Variants in RIT2 observed in about 807,000 individuals in gnomAD.
RIT2 encodes the protein GTP-binding protein Rit2.
A neutral mutation model predicts 23.7 loss-of-function variants in RIT2; 24 were observed. That is an observed-to-expected ratio of 1.01 (90% confidence interval 0.73 to 1.43). RIT2 has a LOEUF of 1.43. RIT2 is among the 40% of genes most tolerant of loss of function. RIT2 has a pLI of 0.00. For synonymous variants in RIT2, 107 were observed against 91.1 expected, an observed-to-expected ratio of 1.17 and a Z score of -0.99; for missense variants, 236 against 266.9, an observed-to-expected ratio of 0.88 and a Z score of 0.81.
intron 3 of RIT2, among the ~76,000 whole-genome samples, chr18:42,937,392 G>A (rs1171061626): frequency 6.6e-6 from 1 of 152,106 alleles, no homozygotes; most frequent in African/African-American, 2.4e-5. Context: ...CAGTGCCCAT[G>A]AGGAGAGTAC....
chr18:42,883,594 G>A (rs1907949537), intron 4 of RIT2, among the ~76,000 whole-genome samples: 1 of 151,952 alleles, frequency 6.6e-6, no homozygotes, highest in Non-Finnish European at 1.5e-5. Context: ...TTCTCTCAGT[G>A]GGACGCCCCC....
At chr18:43,009,749 T>C (rs1911308518) in intron 2 of RIT2, among the ~76,000 whole-genome samples, 1 of 151,732 alleles carries the variant, frequency 6.6e-6, no homozygotes, top group Non-Finnish European at 1.5e-5. Flanking sequence ...AAGCGTGACA[T>C]TGACACTTCC....
intron 4 of RIT2, among the ~76,000 whole-genome samples, chr18:42,814,251 GCA>G (rs1012285439): frequency 3.9e-5 from 6 of 152,186 alleles, no homozygotes; most frequent in African/African-American, 1.4e-4. Flanking sequence ...AATCTGGTGT[GCA>G]GACTCCACAG....
At chr18:43,105,049 G>T (rs551845904) in intron 1 of RIT2, among the ~76,000 whole-genome samples, 2 of 151,738 alleles carry the variant, frequency 1.3e-5, no homozygotes, top group African/African-American at 2.4e-5. Flanking sequence ...CCCTTTGTGG[G>T]CTATTGTAGC....
At chr18:42,831,713 G>A (rs1327567925) in intron 4 of RIT2, among the ~76,000 whole-genome samples, 1 of 152,168 alleles carries the variant, frequency 6.6e-6, no homozygotes, top group African/African-American at 2.4e-5. Context: ...AATTCTTGCA[G>A]GTATGGAAAT....
At chr18:42,899,041 T>G (rs951030547) in intron 4 of RIT2, among the ~76,000 whole-genome samples, 2 of 152,020 alleles carry the variant, frequency 1.3e-5, no homozygotes, top group Non-Finnish European at 2.9e-5. Context: ...AATAATTAAT[T>G]TGTTAAAAGT....
At chr18:42,996,871 C>T (rs576587203) in intron 2 of RIT2, among the ~76,000 whole-genome samples, 1 of 152,158 alleles carries the variant, frequency 6.6e-6, no homozygotes, top group Non-Finnish European at 1.5e-5. Context: ...AGTTTGGACA[C>T]TCAACAACCT....
chr18:42,948,832 C>T (rs1909785019), intron 3 of RIT2, among the ~76,000 whole-genome samples: 1 of 152,056 alleles, frequency 6.6e-6, no homozygotes, highest in South Asian at 2.1e-4. Context: ...ACCCTCAAAC[C>T]ACCCACTTTC....
chr18:42,791,490 C>A (rs913905677), intron 4 of RIT2, among the ~76,000 whole-genome samples: 2 of 152,176 alleles, frequency 1.3e-5, no homozygotes, highest in Non-Finnish European at 2.9e-5. Context: ...ATATTTACTT[C>A]ATTGCAGTAG....
intron 4 of RIT2, among the ~76,000 whole-genome samples, chr18:42,798,522 G>C (rs1905437163): frequency 6.6e-6 from 1 of 152,144 alleles, no homozygotes; most frequent in Non-Finnish European, 1.5e-5. Flanking sequence ...TTAAAATAAA[G>C]TATTACAAAA....
intron 4 of RIT2, among the ~76,000 whole-genome samples, chr18:42,744,539 AT>A (rs1330717952): frequency 1.3e-5 from 2 of 152,126 alleles, no homozygotes; most frequent in Non-Finnish European, 2.9e-5. Flanking sequence ...GTTCAACTGC[AT>A]TTTAGCTTTG....
chr18:42,896,916 G>A lies in RIT2; in HGVS notation c.426+26656C>T, dbSNP rs371456317. On this transcript the variant is annotated intron_variant, in intron 4 of 4. Coordinates refer to ENST00000326695, the MANE Select transcript of RIT2 (RefSeq NM_002930.4). ...GACCTGAGGAAGTTCACCTTACTAT[G>A]TGATTTTCTTTCCTTACTTGAACTT... is the stretch of plus-strand genomic sequence containing the variant. Among the ~76,000 whole-genome samples, 83 of 152,320 alleles carry A rather than the reference G, an allele frequency of 5.4e-4. 1 individual carries two copies. In the South Asian group the frequency reaches 0.016, roughly 29 times the overall value.
At chr18:42,814,950 A>G (rs751349794) in intron 4 of RIT2, among the ~76,000 whole-genome samples, 6 of 152,186 alleles carry the variant, frequency 3.9e-5, no homozygotes, top group Non-Finnish European at 8.8e-5. Flanking sequence ...GCTCTCAGGA[A>G]GTCACATCCA....
intron 4 of RIT2, among the ~76,000 whole-genome samples, chr18:42,909,117 T>C (rs2144116642): frequency 6.6e-6 from 1 of 152,258 alleles, no homozygotes; most frequent in Middle Eastern, 3.4e-3. Flanking sequence ...GTTGTACATG[T>C]ACACCATGGT....
intron 4 of RIT2, among the ~76,000 whole-genome samples, chr18:42,880,470 T>C (rs1394632379): frequency 2.0e-5 from 3 of 152,252 alleles, no homozygotes; most frequent in African/African-American, 7.2e-5. Flanking sequence ...AGTCTGTTAC[T>C]GTTGAAACTT....
At chr18:42,767,027 C>A (rs1308505299) in intron 4 of RIT2, among the ~76,000 whole-genome samples, 2 of 152,210 alleles carry the variant, frequency 1.3e-5, no homozygotes, top group African/African-American at 2.4e-5. Flanking sequence ...TGCTGCAGGG[C>A]AGGTCCCTCA....
chr18:42,932,172 T>C (rs1353239738), intron 3 of RIT2, among the ~76,000 whole-genome samples: 6 of 152,146 alleles, frequency 3.9e-5, no homozygotes, highest in African/African-American at 1.4e-4. Flanking sequence ...TTGGAGCAGA[T>C]GTTTGTCCTC....
intron 4 of RIT2, among the ~76,000 whole-genome samples, chr18:42,919,442 A>T (rs1234926028): frequency 1.3e-5 from 2 of 152,102 alleles, no homozygotes; most frequent in Non-Finnish European, 2.9e-5. Context: ...GGCCGGGCGC[A>T]GTAGCTTATG....
chr18:42,908,796 T>C lies in RIT2; in HGVS notation c.426+14776A>G, dbSNP rs1223637500. ...CCATAGGACTGCTGGTGGAAATGTA[T>C]ACATAGGTAAGTTGGTGCAAAAATA... is the stretch of plus-strand genomic sequence containing the variant. On this transcript the variant is annotated intron_variant, in intron 4 of 4. Transcript: ENST00000326695. 2.6e-5 allele frequency among the ~76,000 whole-genome samples: 4 copies of C among 152,138 alleles called. No individual in the cohort carries two copies. In the East Asian group the frequency reaches 5.8e-4, roughly 22 times the overall value.
Sources: allele counts gnomAD v4.1 joint callset (sites outside exome capture counted in the v4.1 genomes callset), GRCh38; gene constraint gnomAD v4.1.1; transcripts MANE v1.5; gene names NCBI Gene and HGNC (gene_info 2026-07-23, HGNC 2026-07-21).